DTWD2: variants seen among roughly 807,000 people sequenced by gnomAD.
DTWD2 encodes DTW motif tRNA-uridine aminocarboxypropyltransferase 2.
Under a neutral mutation model 31.8 loss-of-function variants are expected in DTWD2, and 39 were observed. That is an observed-to-expected ratio of 1.22 (90% CI 0.95 to 1.60). DTWD2 has a LOEUF of 1.60. Ranked by LOEUF, DTWD2 falls within the 40% of genes most tolerant of loss-of-function variation. The pLI is 0.00. For synonymous variants in DTWD2, 180 were observed against 142.8 expected (o/e 1.26, Z -1.86); for missense variants, 515 against 381.5 (o/e 1.35, Z -2.92).
At chr5:118,892,838 A>G (rs900204320) in intron 4 of DTWD2, among the ~76,000 whole-genome samples, 34 of 152,136 alleles carry the variant, frequency 2.2e-4, no homozygotes, top group Admixed American at 1.4e-3. Context: ...ACATTATTCA[A>G]TGCAGCATTA....
At chr5:118,955,088 AT>A (rs895438394) in intron 1 of DTWD2, among the ~76,000 whole-genome samples, 2 of 152,246 alleles carry the variant, frequency 1.3e-5, no homozygotes, top group African/African-American at 4.8e-5. Flanking sequence ...TACTAAAAAA[AT>A]AGCTAAACAA....
intron 1 of DTWD2, among the ~76,000 whole-genome samples, chr5:118,963,298 C>T (rs1444675739): frequency 6.6e-6 from 1 of 152,176 alleles, no homozygotes; most frequent in African/African-American, 2.4e-5. Context: ...TGAGCTGGAC[C>T]TTGAAATAGA....
chr5:118,921,842 A>C (rs1227772607), intron 4 of DTWD2, among the ~76,000 whole-genome samples: 2 of 152,232 alleles, frequency 1.3e-5, no homozygotes, highest in African/African-American at 4.8e-5. Flanking sequence ...GGATAAAATA[A>C]AAAGAATAAC....
At chr5:118,966,732 T>C (rs986943428) in intron 1 of DTWD2, among the ~76,000 whole-genome samples, 2 of 152,012 alleles carry the variant, frequency 1.3e-5, no homozygotes, top group African/African-American at 4.8e-5. Context: ...TAATTACAAA[T>C]TAAAAGTCAA....
intron 4 of DTWD2, among the ~76,000 whole-genome samples, chr5:118,894,885 A>C (rs1753048370): frequency 6.6e-6 from 1 of 152,174 alleles, no homozygotes; most frequent in Non-Finnish European, 1.5e-5. Context: ...CATATATCAC[A>C]AAACCACAGC....
At chr5:118,860,802 C>T (rs1027421205) in intron 4 of DTWD2, among the ~76,000 whole-genome samples, 65 of 152,228 alleles carry the variant, frequency 4.3e-4, no homozygotes, top group African/African-American at 1.5e-3. Flanking sequence ...CTCATTTAAA[C>T]TTATTTTTTT....
At chr5:118,950,120 G>A (rs569078462) in intron 1 of DTWD2, among the ~76,000 whole-genome samples, 5 of 144,140 alleles carry the variant, frequency 3.5e-5, no homozygotes, top group African/African-American at 1.3e-4. Context: ...TGAGGTGGGA[G>A]AATGGTGTGA....
At chr5:118,976,646 G>A (rs1291511855) in intron 1 of DTWD2, among the ~76,000 whole-genome samples, 1 of 152,170 alleles carries the variant, frequency 6.6e-6, no homozygotes, top group African/African-American at 2.4e-5. Flanking sequence ...CTAGGAAGAA[G>A]TCGAATCCCT....
chr5:118,921,977 TCAAG>T (rs1331328554), intron 4 of DTWD2, among the ~76,000 whole-genome samples: 1 of 152,208 alleles, frequency 6.6e-6, no homozygotes, highest in Non-Finnish European at 1.5e-5. Context: ...GCTCTGCTTA[TCAAG>T]CGAGAAATTA....
intron 4 of DTWD2, among the ~76,000 whole-genome samples, chr5:118,876,745 C>G (rs1414514820): frequency 2.0e-5 from 3 of 152,042 alleles, no homozygotes; most frequent in African/African-American, 7.2e-5. Flanking sequence ...AATAGCCTAC[C>G]AACCAAAAAA....
chr5:118,905,197 T>G (rs1483193164), intron 4 of DTWD2, among the ~76,000 whole-genome samples: 1 of 152,162 alleles, frequency 6.6e-6, no homozygotes, highest in Non-Finnish European at 1.5e-5. Flanking sequence ...AAAATATATT[T>G]TCTCTTTTAT....
intron 4 of DTWD2, among the ~76,000 whole-genome samples, chr5:118,860,490 A>C (rs1481305303): frequency 2.0e-5 from 3 of 152,084 alleles, no homozygotes; most frequent in Non-Finnish European, 4.4e-5. Flanking sequence ...TGCTATTTTA[A>C]GAAAAATAAT....
intron 5 of DTWD2, among the ~76,000 whole-genome samples, chr5:118,843,645 T>C (rs994937093): frequency 6.6e-6 from 1 of 152,206 alleles, no homozygotes; most frequent in Non-Finnish European, 1.5e-5. Flanking sequence ...ATGACATTTA[T>C]TATATTCTTG....
At chr5:118,932,657 T>C (rs1753953276) in intron 3 of DTWD2, among the ~76,000 whole-genome samples, 1 of 152,190 alleles carries the variant, frequency 6.6e-6, no homozygotes, top group South Asian at 2.1e-4. Context: ...GAAGAGGAAA[T>C]TTGGACACAA....
At chr5:118,985,359 C>T (rs1199825818) in intron 1 of DTWD2, among the ~76,000 whole-genome samples, 1 of 151,778 alleles carries the variant, frequency 6.6e-6, no homozygotes, top group Admixed American at 6.6e-5. Context: ...TTTTCCTCAT[C>T]TCCACCATAC....
chr5:118,858,866 A>G (rs1005013805), intron 4 of DTWD2, among the ~76,000 whole-genome samples: 1 of 152,226 alleles, frequency 6.6e-6, no homozygotes, highest in Non-Finnish European at 1.5e-5. Context: ...AACAAGGTCC[A>G]CACATTGCAG....
intron 4 of DTWD2, among the ~76,000 whole-genome samples, chr5:118,885,022 G>A (rs868694800): frequency 7.0e-5 from 9 of 128,338 alleles, no homozygotes; most frequent in East Asian, 6.2e-4. Context: ...AAAAAAAATC[G>A]TCCAGGTTGG....
chr5:118,867,220 G>C (rs1293974602), intron 4 of DTWD2, among the ~76,000 whole-genome samples: 1 of 152,018 alleles, frequency 6.6e-6, no homozygotes, highest in Admixed American at 6.6e-5. Flanking sequence ...TTTACAGGCA[G>C]AATATATAAT....
rs567906311 is a variant in DTWD2 at position 118,865,745 on chromosome 5, T to C, written c.598-17527A>G. Among the ~76,000 whole-genome samples, 12 of 152,340 alleles carry C rather than the reference T, an allele frequency of 7.9e-5. No individual in the cohort carries two copies. In the South Asian group the frequency reaches 1.0e-3, roughly 13 times the overall value. Reference sequence around the variant, plus strand: ...GCAAAAGTGTCCTCATTTTATCTCATTGATTCACAATAAACACTCCAAAAA... The same window carrying C: ...GCAAAAGTGTCCTCATTTTATCTCACTGATTCACAATAAACACTCCAAAAA... On this transcript the variant is annotated intron_variant, in intron 4 of 5. Coordinates refer to ENST00000510708, the MANE Select transcript of DTWD2 (RefSeq NM_173666.4).
Sources: allele counts gnomAD v4.1 joint callset (sites outside exome capture counted in the v4.1 genomes callset), GRCh38; gene constraint gnomAD v4.1.1; transcripts MANE v1.5; gene names NCBI Gene and HGNC (gene_info 2026-07-23, HGNC 2026-07-21).